Variants in SPG11 observed in about 807,000 individuals in gnomAD.
The protein encoded by SPG11 is spatacsin.
SPG11 carries 222 observed loss-of-function variants against 274.0 expected under a neutral mutation model. The observed-to-expected ratio is 0.81, with a 90% CI of 0.73 to 0.91. SPG11 has a LOEUF of 0.91. SPG11 is among the 40% of genes least tolerant of loss of function. SPG11 has a pLI of 0.00. For missense variants in SPG11, 3,114 were observed against 2,872.7 expected, an observed-to-expected ratio of 1.08 and a Z score of -1.92; for synonymous variants, 1,144 against 1,039.7, an observed-to-expected ratio of 1.10 and a Z score of -1.93.
In SPG11 at chr15:44,626,439, A is replaced by C. The variant is rs753379687; in HGVS notation, c.2136T>G (p.Ser712Arg). ...PEAQTFFRID[S>R]HSAQKLEELI... Reference sequence around the variant, plus strand: ...GCTCCTCAAGTTTTTGAGCAGAATGACTATCAATCCTGAAGAAAGTCTGTG... The same window carrying C: ...GCTCCTCAAGTTTTTGAGCAGAATGCCTATCAATCCTGAAGAAAGTCTGTG... The change falls in exon 11 of 40, where the codon AGT (serine) becomes AGG (arginine). Residue 712 changes from serine (S) to arginine (R), a missense_variant. Physicochemically the swap from Ser to Arg is moderately radical, Grantham distance 110. Transcript: ENST00000261866. 1 of 1,613,938 alleles carries C rather than the reference A, an allele frequency of 6.2e-7. No individual in the cohort carries two copies.
intron 1 of SPG11, 53 bp downstream of exon 1, chr15:44,663,338 C>T: frequency 1.3e-6 from 2 of 1,575,986 alleles, no homozygotes; most frequent in Non-Finnish European, 1.7e-6. Flanking sequence ...GCTCAGTCAG[C>T]CGAGCCTAGG....
rs767526721 is a variant in SPG11, at chr15:44,583,937, T to G, written c.5743A>C (p.Arg1915=). 3.1e-6 allele frequency: 5 copies of G among 1,614,254 alleles called. No homozygotes were observed. Among genetic ancestry groups the G allele is most frequent in the Admixed American group, 3.3e-5 (2 of 60,028 alleles). ...CTAGCTTCCCCTGAGGCCAGTGCTC[T>G]GCAGTGCAATACCAAGGCGACATCT... ...NPDVALVLHC[R]ALASGEASME... Residue 1915 remains arginine, a synonymous_variant, in exon 30 of 40, where the codon AGA becomes CGA. Transcript: ENST00000261866.
chr15:44,648,044 C>G (rs1317830915), intron 7 of SPG11, among the ~76,000 whole-genome samples: 3 of 152,170 alleles, frequency 2.0e-5, no homozygotes, highest in African/African-American at 7.2e-5. Flanking sequence ...GGGTCACCCA[C>G]TCAATCACTG....
At position 44,583,826 on chromosome 15, in the gene SPG11, T is replaced by C; in HGVS notation, c.5854A>G (p.Arg1952Gly). The C allele has an allele frequency of 1.2e-6, 2 of 1,614,172 alleles. No individual in the cohort carries two copies. The highest frequency in any genetic ancestry group is 2.7e-5 in the African/African-American group (2 of 75,046). Residue 1952 changes from arginine to glycine, a missense_variant, in exon 30 of 40, where the codon AGA (arginine) becomes GGA (glycine). Arg to Gly is a moderately radical substitution (Grantham distance 125). Transcript: ENST00000261866. ...CTCCTTCACTTACTGCTGTGGACTC[T>C]CCTTAGGGGAATGTCGGGTGCTTCT... is the stretch of plus-strand genomic sequence containing the variant. ...EEEAPDIPLR[R>G]VHSTSSLDSQ...
Position 44,596,871 on chromosome 15 carries a change from G to T in SPG11, c.4074C>A (p.Ser1358Arg), listed in dbSNP as rs1356414563. 1.2e-6 allele frequency: 2 copies of T among 1,613,876 alleles called. No individual in the cohort carries two copies. Among genetic ancestry groups the T allele is most frequent in the East Asian group, 4.5e-5 (2 of 44,870 alleles). Residue 1358 changes from serine to arginine, a missense_variant, in exon 24 of 40, where the codon AGC (serine) becomes AGA (arginine). Coordinates refer to ENST00000261866, the MANE Select transcript of SPG11 (RefSeq NM_025137.4). ...QFCRLHNMKL[S>R]ISYLRECAKA... is the part of the protein sequence containing the mutation. ...TGGCACATTCTCTAAGGTAAGATAT[G>T]CTTAGTTTCATATTGTGTAGCCTGC...
intron 26 of SPG11, 51 bp downstream of exon 26, chr15:44,595,208 T>C: frequency 1.3e-6 from 2 of 1,542,008 alleles, no homozygotes; most frequent in South Asian, 1.1e-5. Context: ...AGAAGGGATA[T>C]GCTGAAGTAA....
chr15:44,602,465 T>C (rs771470640), intron 20 of SPG11, among the ~76,000 whole-genome samples: 2 of 151,972 alleles, frequency 1.3e-5, no homozygotes, highest in Non-Finnish European at 2.9e-5. Flanking sequence ...TCTATTGATA[T>C]GATCATATGG....
In SPG11 at chr15:44,579,290, C is replaced by G. The variant is rs552147435; in HGVS notation, c.5867-4249G>C. ...CTGTAATCTCAGCACTTTGGGAGGC[C>G]GAGGTGGGTGGATCACCTGCAGTCA... On this transcript the variant is annotated intron_variant, in intron 30 of 39. Transcript: ENST00000261866. Among the ~76,000 whole-genome samples, 17 of 151,608 alleles carry G rather than the reference C, an allele frequency of 1.1e-4. No individual in the cohort carries two copies. In the South Asian group the frequency reaches 3.3e-3, roughly 30 times the overall value.
At chr15:44,596,014 C>T (rs2097916599) in intron 25 of SPG11, 69 bp downstream of exon 25, 1 of 1,594,108 alleles carries the variant, frequency 6.3e-7, no homozygotes, top group Non-Finnish European at 8.6e-7. Flanking sequence ...GATTATCAGC[C>T]TTTCCTGTCC....
At chr15:44,653,447 G>A (rs1391479198) in intron 4 of SPG11, among the ~76,000 whole-genome samples, 1 of 152,038 alleles carries the variant, frequency 6.6e-6, no homozygotes, top group African/African-American at 2.4e-5. Flanking sequence ...CAAAATAAAA[G>A]GTAGATACCC....
intron 4 of SPG11, among the ~76,000 whole-genome samples, chr15:44,654,161 G>T (rs767326494): frequency 2.6e-5 from 4 of 152,146 alleles, no homozygotes; most frequent in Non-Finnish European, 5.9e-5. Flanking sequence ...AGTCAGGTAT[G>T]TCATGAATGC....
chr15:44,600,398 C>CT, intron 21 of SPG11, 69 bp downstream of exon 21: 2 of 1,553,120 alleles, frequency 1.3e-6, no homozygotes, highest in Non-Finnish European at 1.8e-6. Context: ...GATCCTCCTG[C>CT]TTCCCAAAGT....
Position 44,570,623 on chromosome 15 carries a change from T to A in SPG11, c.6379A>T (p.Thr2127Ser). ...ELLILAHHCF[T>S]LTCHMEGIIR... Reference sequence around the variant, plus strand: ...ATGCCCTCCATGTGGCACGTCAGGGTGAAGCAATGATGGGCCAGGATCAGG... The same window carrying A: ...ATGCCCTCCATGTGGCACGTCAGGGAGAAGCAATGATGGGCCAGGATCAGG... Residue 2127 changes from threonine to serine, a missense_variant, in exon 34 of 40, where the codon ACC becomes TCC. Transcript: ENST00000261866. The A allele has an allele frequency of 1.2e-6, 2 of 1,613,720 alleles. No individual in the cohort carries two copies. The highest frequency in any genetic ancestry group is 1.7e-6 in the Non-Finnish European group (2 of 1,179,902).
intron 39 of SPG11, among the ~76,000 whole-genome samples, chr15:44,564,325 C>T (rs565311440): frequency 6.6e-6 from 1 of 152,300 alleles, no homozygotes; most frequent in South Asian, 2.1e-4. Flanking sequence ...GAGTAGCTAT[C>T]CTCCCATTTT....
chr15:44,611,884 C>T (rs2083468155), intron 17 of SPG11, among the ~76,000 whole-genome samples: 1 of 139,540 alleles, frequency 7.2e-6, no homozygotes, highest in Non-Finnish European at 1.5e-5. Context: ...TGGCTCACTG[C>T]AAGCTCCACC....
rs959255565 is a variant in SPG11 at position 44,585,644 on chromosome 15, T to C, written c.5113A>G (p.Ile1705Val). Residue 1705 changes from isoleucine (I) to valine (V), a missense_variant, in exon 29 of 40, where the codon ATT (isoleucine) becomes GTT (valine). Transcript: ENST00000261866. ...AAAAAGACCGATGATACCTCTTTAA[T>C]AACCAAGTTGTCCACAGGTAACTCA... ...LAELPVDNLV[I>V]KEITQEMQTL... is the part of the protein sequence containing the mutation. 45 of 1,436,760 alleles carry C rather than the reference T, an allele frequency of 3.1e-5. No individual in the cohort carries two copies. The highest frequency in any genetic ancestry group is 4.3e-5 in the Non-Finnish European group (44 of 1,029,916). 89.0% of individuals were successfully genotyped at this position (1,436,760 alleles called of 1,614,324 possible).
chr15:44,576,092 A>C (rs2082531363), intron 30 of SPG11, among the ~76,000 whole-genome samples: 1 of 126,122 alleles, frequency 7.9e-6, no homozygotes, highest in Non-Finnish European at 1.6e-5. Flanking sequence ...CGGTGAGCCG[A>C]GATTGTGCCA....
chr15:44,663,257 G>A, intron 1 of SPG11, 134 bp downstream of exon 1: 1 of 1,255,008 alleles, frequency 8.0e-7, no homozygotes. Flanking sequence ...CCTCTGGGGC[G>A]TTTCCTGCAG....
intron 9 of SPG11, 118 bp from the exon 10 acceptor site, chr15:44,628,962 AAT>A: frequency 9.4e-7 from 1 of 1,062,042 alleles, no homozygotes; most frequent in African/African-American, 1.6e-5. Context: ...AATTTCAAAC[AAT>A]ATGTCTGAGG....
Sources: allele counts gnomAD v4.1 joint callset (sites outside exome capture counted in the v4.1 genomes callset), GRCh38; gene constraint gnomAD v4.1.1; transcripts MANE v1.5; gene names NCBI Gene and HGNC (gene_info 2026-07-23, HGNC 2026-07-21).